HERC2: variants seen among roughly 807,000 people sequenced by gnomAD.
HERC2 encodes HECT and RLD domain containing E3 ubiquitin protein ligase 2.
In HERC2, 102 loss-of-function variants were observed where a neutral mutation model predicts 537.7. The ratio of observed to expected loss-of-function variants is 0.19; its 90% CI spans 0.16 to 0.22. The LOEUF is 0.22. Among genes scored for constraint, HERC2 ranks in the 10% least tolerant of loss-of-function variants. The pLI is 1.00. For missense variants in HERC2, 4,236 were observed against 6,198.2 expected (o/e 0.68, Z 10.63); for synonymous variants, 2,224 against 2,466.2 (o/e 0.90, Z 2.91).
intron 50 of HERC2, among the ~76,000 whole-genome samples, chr15:28,197,990 T>C (rs1057249490): frequency 1.3e-5 from 2 of 152,172 alleles, no homozygotes; most frequent in Non-Finnish European, 2.9e-5. Flanking sequence ...TTACCAATCA[T>C]GACGTTAGCA....
At chr15:28,151,876 A>G (rs1296054758) in intron 70 of HERC2, among the ~76,000 whole-genome samples, 1 of 152,234 alleles carries the variant, frequency 6.6e-6, no homozygotes, top group Non-Finnish European at 1.5e-5. Flanking sequence ...GGCAAACAGC[A>G]CCTTGAACAA....
At chr15:28,280,749 A>G (rs1026543180) in intron 4 of HERC2, among the ~76,000 whole-genome samples, 2 of 152,142 alleles carry the variant, frequency 1.3e-5, no homozygotes, top group Non-Finnish European at 2.9e-5. Context: ...TACTAAAAAA[A>G]AAATACAAAA....
intron 4 of HERC2, among the ~76,000 whole-genome samples, chr15:28,285,728 C>A (rs2076138768): frequency 1.5e-5 from 2 of 133,812 alleles, no homozygotes; most frequent in South Asian, 2.4e-4. Flanking sequence ...AACAGAAAAC[C>A]AATAAACAGT....
Position 28,265,077 on chromosome 15 carries a change from A to G in HERC2, c.1870+541T>C, listed in dbSNP as rs1260513306. 1.3e-5 allele frequency among the ~76,000 whole-genome samples: 2 copies of G among 152,220 alleles called. No homozygotes were observed. Among genetic ancestry groups the G allele is most frequent in the African/African-American group, 2.4e-5 (1 of 41,470 alleles). ...TATAACGGAAAGACTCCACAACGCC[A>G]GAGACACACAAGATGCCAAGGACAG... is the stretch of plus-strand genomic sequence containing the variant. On this transcript the variant is annotated intron_variant, in intron 14 of 92. Coordinates refer to ENST00000261609, the MANE Select transcript of HERC2 (RefSeq NM_004667.6). This position sits in a 1 kb window ranked among gnomAD's most constrained non-coding sequence, Gnocchi z 4.0.
At position 28,130,242 on chromosome 15, in the gene HERC2, C is replaced by T. The variant is rs1889966865; in HGVS notation, c.12723G>A (p.Arg4241=). Residue 4241 remains arginine, a synonymous_variant, in exon 83 of 93, where the codon CGG becomes CGA. Coordinates refer to ENST00000261609, the MANE Select transcript of HERC2 (RefSeq NM_004667.6). The part of the protein sequence containing the change: ...HGSDDHVRRP[R]QVQGLQGKKV... ...TCTTCCCCTGCAACCCTTGGACCTG[C>T]CGAGGCCTTCGAACATGGTCATCTG... 1 of 1,614,204 alleles carries T rather than the reference C, an allele frequency of 6.2e-7. No individual in the cohort carries two copies. The highest frequency in any genetic ancestry group is 8.5e-7 in the Non-Finnish European group (1 of 1,180,036).
At chr15:28,315,907 T>C (rs2077069540) in intron 2 of HERC2, 2 of 442,856 alleles carry the variant, frequency 4.5e-6, no homozygotes, top group Admixed American at 5.6e-5. Context: ...TTCATCGCCC[T>C]CTGATCGCCG....
intron 52 of HERC2, among the ~76,000 whole-genome samples, chr15:28,192,785 A>G (rs1417769564): frequency 6.6e-6 from 1 of 152,198 alleles, no homozygotes; most frequent in East Asian, 1.9e-4. Flanking sequence ...TAGCATTTTG[A>G]CAGCCTCGTG....
Position 28,132,015 on chromosome 15 carries a change from T to C in HERC2, c.12570+85A>G. The C allele has an allele frequency of 4.1e-6, 5 of 1,221,754 alleles. No individual in the cohort carries two copies. The South Asian group carries it at 6.3e-5, about 15-fold the overall frequency. The allele number at this position is 1,221,754 out of a possible 1,614,324, so 75.7% of individuals were successfully genotyped here. A position where few individuals can be genotyped will look rare whatever the true frequency, so the allele number is the denominator to read the frequency against. On this transcript the variant is annotated intron_variant, in intron 81 of 92. Coordinates refer to ENST00000261609, the MANE Select transcript of HERC2 (RefSeq NM_004667.6). The stretch of plus-strand genomic sequence containing the variant: ...ACACGGGGGACAGTAATGGTGGCTC[T>C]GAGGCTGTGTTTTCCCAGAGGGGCC...
intron 66 of HERC2, 60 bp downstream of exon 66, chr15:28,169,424 A>G: frequency 3.1e-6 from 4 of 1,300,636 alleles, no homozygotes; most frequent in East Asian, 2.3e-5. Context: ...AAGAAAAAAA[A>G]TCACAAAAAT....
intron 16 of HERC2, among the ~76,000 whole-genome samples, chr15:28,258,772 G>T (rs1178247219): frequency 6.6e-6 from 1 of 151,906 alleles, no homozygotes; most frequent in Non-Finnish European, 1.5e-5. Flanking sequence ...CAAAACAAAA[G>T]GGAAAAATTA....
chr15:28,195,433 C>T (rs969214331), intron 52 of HERC2, among the ~76,000 whole-genome samples: 1 of 152,120 alleles, frequency 6.6e-6, no homozygotes, highest in Admixed American at 6.6e-5. Flanking sequence ...TGCAGTCCAG[C>T]CTGGGCGACA....
intron 23 of HERC2, among the ~76,000 whole-genome samples, chr15:28,241,618 A>T (rs1406310803): frequency 2.6e-5 from 4 of 152,248 alleles, no homozygotes; most frequent in Non-Finnish European, 4.4e-5. Context: ...TAAGGAGATC[A>T]AGACCATCCT....
intron 70 of HERC2, among the ~76,000 whole-genome samples, chr15:28,149,663 A>G (rs1892194475): frequency 6.6e-6 from 1 of 152,008 alleles, no homozygotes; most frequent in East Asian, 1.9e-4. Flanking sequence ...TTACCGAAAA[A>G]ATACATGCAA....
chr15:28,168,425 T>C lies in HERC2; in HGVS notation c.10395A>G (p.Pro3465=), dbSNP rs145438661. The change falls in exon 67 of 93, where the codon CCA becomes CCG. Residue 3465 remains proline, a synonymous_variant. Coordinates refer to ENST00000261609, the MANE Select transcript of HERC2 (RefSeq NM_004667.6). ...VDIEDRLSPN[P]WQEKREIVSS... is the part of the protein sequence containing the mutation. ...CTTTTACCTCTCTCTTTTCTTGCCA[T>C]GGATTTGGACTCAGTCTGTCTTCGA... is the stretch of plus-strand genomic sequence containing the variant. 930 of 1,613,332 alleles carry C rather than the reference T, an allele frequency of 5.8e-4. 1 individual carries two copies. The African/African-American group carries it at 8.0e-3, about 14-fold the overall frequency.
rs1888042742 is a variant in HERC2, at chr15:28,114,881, C to T, written c.13723-79G>A. The T allele has an allele frequency of 3.2e-6, 4 of 1,245,152 alleles. No individual in the cohort carries two copies. In the South Asian group the frequency reaches 5.3e-5, roughly 16 times the overall value. The allele number at this position is 1,245,152 out of a possible 1,614,324, so 77.1% of individuals were successfully genotyped here. ...CAGACTCCAGTCCACCCAGCACACTCTGTCAAGCAGGAACCAGGGTCAGCC... is the reference window on the plus strand; with the variant it reads ...CAGACTCCAGTCCACCCAGCACACTTTGTCAAGCAGGAACCAGGGTCAGCC... On this transcript the variant is annotated intron_variant, in intron 89 of 92. Transcript: ENST00000261609.
chr15:28,244,718 G>A (rs879302344), intron 23 of HERC2, among the ~76,000 whole-genome samples: 1 of 152,136 alleles, frequency 6.6e-6, no homozygotes, highest in African/African-American at 2.4e-5. Flanking sequence ...AACAAAAGGG[G>A]AAGAATGGTG....
chr15:28,282,685 G>A (rs1226620261), intron 4 of HERC2, among the ~76,000 whole-genome samples: 3 of 152,212 alleles, frequency 2.0e-5, no homozygotes, highest in Admixed American at 6.5e-5. Flanking sequence ...TGTAATCCCA[G>A]CACTTTCGGA....
intron 48 of HERC2, among the ~76,000 whole-genome samples, chr15:28,200,906 GTAGA>G (rs1345219854): frequency 1.4e-5 from 2 of 140,910 alleles, no homozygotes; most frequent in Non-Finnish European, 3.1e-5. Flanking sequence ...ATGATTTAAA[GTAGA>G]TAAAGGACTA....
rs147620932 is a variant in HERC2, at chr15:28,228,539, G to A, written c.5273-130C>T. On this transcript the variant is annotated intron_variant, in intron 34 of 92. Coordinates refer to ENST00000261609, the MANE Select transcript of HERC2 (RefSeq NM_004667.6). ...CCACTGACATTTCTTCTGCATGGATGCAAGAATAAACGTAACGCAGAAAGC... is the reference window on the plus strand; with the variant it reads ...CCACTGACATTTCTTCTGCATGGATACAAGAATAAACGTAACGCAGAAAGC... The A allele has an allele frequency of 3.5e-5, 29 of 828,116 alleles. 3 individuals carry two copies. The South Asian group carries it at 4.5e-4, about 13-fold the overall frequency. The allele number at this position is 828,116 out of a possible 1,614,324, so 51.3% of individuals were successfully genotyped here.
Sources: gnomAD v4.1 joint callset for allele counts (sites outside exome capture counted in the v4.1 genomes callset) on GRCh38, gnomAD v4.1.1 for gene constraint, Gnocchi (gnomAD v3.1) non-coding constraint, MANE v1.5 for transcripts, NCBI Gene and HGNC (gene_info 2026-07-23, HGNC 2026-07-21) for gene names.